The following PTPRD variants were observed in gnomAD, a reference collection of about 807,000 sequenced individuals.
The protein encoded by PTPRD is protein tyrosine phosphatase receptor type D.
Under a neutral mutation model 214.5 loss-of-function variants are expected in PTPRD, and 34 were observed. That is an observed-to-expected ratio of 0.16 (90% confidence interval 0.12 to 0.21). The LOEUF (loss-of-function observed/expected upper bound fraction) is 0.21, where lower values mean the gene tolerates loss of function less well. Ranked by LOEUF, PTPRD falls within the 10% of genes least tolerant of loss-of-function variation. The pLI is 1.00. For missense variants in PTPRD, 2,545 were observed against 2,398.7 expected (o/e 1.06, Z -1.27); for synonymous variants, 1,128 against 845.7 (o/e 1.33, Z -5.79).
chr9:10,067,794 G>C (rs564652676), intron 3 of PTPRD, among the ~76,000 whole-genome samples: 2 of 151,740 alleles, frequency 1.3e-5, no homozygotes, highest in Non-Finnish European at 2.9e-5. Context: ...GCACAAACGA[G>C]TTAGATGCAG....
chr9:9,740,472 T>G lies in PTPRD; in HGVS notation c.-325-5901A>C, dbSNP rs1564895618. ...TCCCGGGTTCACGCCATTCTCCTGC[T>G]TTAGCCTCCCGAGTAGCTGGGACTA... is the stretch of plus-strand genomic sequence containing the variant. On this transcript the variant is annotated intron_variant, in intron 6 of 45. Coordinates refer to ENST00000381196, the MANE Select transcript of PTPRD (RefSeq NM_002839.4). Among the ~76,000 whole-genome samples the G allele has an allele frequency of 1.3e-5, 2 of 151,934 alleles. 1 individual carries two copies. Among genetic ancestry groups the G allele is most frequent in the Admixed American group, 1.3e-4 (2 of 15,246 alleles).
intron 3 of PTPRD, among the ~76,000 whole-genome samples, chr9:10,321,740 ACC>A (rs2096556664): frequency 6.6e-6 from 1 of 152,088 alleles, no homozygotes; most frequent in Admixed American, 6.6e-5. Context: ...TGAAACTGCC[ACC>A]CAAGTAGATT....
intron 2 of PTPRD, among the ~76,000 whole-genome samples, chr9:10,467,006 C>T (rs138796865): frequency 6.6e-6 from 1 of 152,192 alleles, no homozygotes; most frequent in African/African-American, 2.4e-5. Context: ...ATTAGAGTTC[C>T]CCGGGAACCA....
At chr9:8,613,644 G>C (rs2154292905) in intron 14 of PTPRD, among the ~76,000 whole-genome samples, 1 of 152,132 alleles carries the variant, frequency 6.6e-6, no homozygotes, top group South Asian at 2.1e-4. Flanking sequence ...GTAATTTTCA[G>C]GAAGCTGAGA....
At chr9:10,059,083 A>G (rs2097709888) in intron 3 of PTPRD, among the ~76,000 whole-genome samples, 1 of 152,148 alleles carries the variant, frequency 6.6e-6, no homozygotes, top group African/African-American at 2.4e-5. Context: ...ATCAGTGAGA[A>G]TGTGTAGAGG....
At chr9:8,497,355 G>T in intron 25 of PTPRD, 87 bp from the exon 26 acceptor site, 2 of 1,156,312 alleles carry the variant, frequency 1.7e-6, no homozygotes, top group Non-Finnish European at 2.4e-6. Flanking sequence ...GCCCTTGTTA[G>T]ATTAAAAAAA....
intron 6 of PTPRD, among the ~76,000 whole-genome samples, chr9:9,752,004 G>A (rs1047642605): frequency 1.3e-5 from 2 of 152,036 alleles, no homozygotes; most frequent in East Asian, 1.9e-4. Flanking sequence ...AACTATATTC[G>A]ATTTATTCTT....
At chr9:10,016,848 A>G (rs915553863) in intron 4 of PTPRD, among the ~76,000 whole-genome samples, 1 of 152,030 alleles carries the variant, frequency 6.6e-6, no homozygotes, top group Non-Finnish European at 1.5e-5. Context: ...GATTTTTTGT[A>G]GAGACAGGGT....
intron 2 of PTPRD, among the ~76,000 whole-genome samples, chr9:10,488,190 A>G (rs1308420384): frequency 1.3e-5 from 2 of 151,592 alleles, no homozygotes; most frequent in East Asian, 3.9e-4. Flanking sequence ...ACACGATGAA[A>G]CCCCATCTCT....
chr9:8,395,027 T>C (rs954978418), intron 36 of PTPRD, among the ~76,000 whole-genome samples: 1 of 152,138 alleles, frequency 6.6e-6, no homozygotes, highest in African/African-American at 2.4e-5. Flanking sequence ...GAGATGGAGA[T>C]GGATGTTCAG....
intron 10 of PTPRD, among the ~76,000 whole-genome samples, chr9:9,144,934 C>CGTG (rs1335952527): frequency 6.6e-6 from 1 of 152,122 alleles, no homozygotes; most frequent in Non-Finnish European, 1.5e-5. Context: ...ACTGCATCAC[C>CGTG]TCACCACTTG....
At chr9:10,242,698 A>AC (rs928705666) in intron 3 of PTPRD, among the ~76,000 whole-genome samples, 20 of 151,018 alleles carry the variant, frequency 1.3e-4, no homozygotes, top group African/African-American at 4.4e-4. Context: ...AATTAAAAAA[A>AC]AATCTCCGTC....
rs80227117 is a variant in PTPRD at position 9,363,576 on chromosome 9, C to G, written c.-203+33873G>C. ...GACTGAGATTGGCTCTCTGTTCAAA[C>G]AAAATCTTAGGTGTTAGTACAATAG... On this transcript the variant is annotated intron_variant, in intron 9 of 45. Transcript: ENST00000381196. Among the ~76,000 whole-genome samples the G allele has an allele frequency of 9.0e-3, 1,362 of 151,364 alleles. 16 individuals are homozygous for G. Among genetic ancestry groups the G allele is most frequent in the African/African-American group, 0.031 (1,289 of 41,410 alleles).
chr9:8,615,180 C>T (rs886312122), intron 14 of PTPRD, among the ~76,000 whole-genome samples: 12 of 152,124 alleles, frequency 7.9e-5, no homozygotes, highest in Admixed American at 2.6e-4. Flanking sequence ...ACTCCAACTT[C>T]AAAGGCTATA....
intron 2 of PTPRD, among the ~76,000 whole-genome samples, chr9:10,494,272 T>G (rs2041325023): frequency 6.6e-6 from 1 of 151,882 alleles, no homozygotes; most frequent in African/African-American, 2.4e-5. Context: ...ACACTTATCA[T>G]GAACATATAA....
intron 14 of PTPRD, among the ~76,000 whole-genome samples, chr9:8,543,230 A>AT (rs1289371187): frequency 3.3e-5 from 5 of 152,236 alleles, no homozygotes; most frequent in Non-Finnish European, 7.3e-5. Context: ...TTTAGTTGTA[A>AT]TAGACTGACA....
intron 4 of PTPRD, among the ~76,000 whole-genome samples, chr9:9,947,361 T>C (rs1376169458): frequency 1.7e-5 from 1 of 59,636 alleles, no homozygotes; most frequent in African/African-American, 7.2e-5. Flanking sequence ...ATATTATATA[T>C]ATTATATATA....
At chr9:10,409,621 A>T (rs565688914) in intron 2 of PTPRD, among the ~76,000 whole-genome samples, 2 of 151,944 alleles carry the variant, frequency 1.3e-5, no homozygotes, top group South Asian at 4.1e-4. Flanking sequence ...ATGCATATAC[A>T]TTGTGGTTTT....
intron 5 of PTPRD, among the ~76,000 whole-genome samples, chr9:9,864,972 T>C (rs1441369053): frequency 2.0e-5 from 3 of 152,212 alleles, no homozygotes; most frequent in East Asian, 1.9e-4. Context: ...GTGTATATTA[T>C]AGATTCTATT....
Sources: gnomAD v4.1 joint callset for allele counts (sites outside exome capture counted in the v4.1 genomes callset) on GRCh38, gnomAD v4.1.1 for gene constraint, MANE v1.5 for transcripts, NCBI Gene and HGNC (gene_info 2026-07-23, HGNC 2026-07-21) for gene names.